Variants in METTL15 observed in about 807,000 individuals in gnomAD.
The protein encoded by METTL15 is methyltransferase 15, mitochondrial 12S rRNA N4-cytidine.
METTL15 carries 34 observed loss-of-function variants against 38.3 expected under a neutral mutation model. That is an observed-to-expected ratio of 0.89 (90% CI 0.68 to 1.18). The LOEUF is 1.18. METTL15 is among the 50% of genes most tolerant of loss of function. The pLI is 0.00. For synonymous variants in METTL15, 162 were observed against 170.9 expected (o/e 0.95, Z 0.41); for missense variants, 438 against 498.4 (o/e 0.88, Z 1.15).
At chr11:28,473,996 G>A (rs1851324192) in intron 6 of METTL15, among the ~76,000 whole-genome samples, 1 of 151,878 alleles carries the variant, frequency 6.6e-6, no homozygotes, top group Non-Finnish European at 1.5e-5. Flanking sequence ...CTACCTCTGT[G>A]AAAGACTCTA....
intron 6 of METTL15, among the ~76,000 whole-genome samples, chr11:28,305,697 A>G (rs1857059930): frequency 1.3e-5 from 2 of 152,148 alleles, no homozygotes; most frequent in African/African-American, 4.8e-5. Flanking sequence ...GTATCTTGTG[A>G]TAAATGCTAT....
intron 4 of METTL15, among the ~76,000 whole-genome samples, chr11:28,218,804 G>C (rs1476621344): frequency 1.3e-5 from 2 of 151,976 alleles, no homozygotes; most frequent in East Asian, 1.9e-4. Context: ...TTTTCTGCAT[G>C]TATTGAGATA....
At chr11:28,493,241 T>TA (rs947626991) in intron 6 of METTL15, among the ~76,000 whole-genome samples, 1 of 152,122 alleles carries the variant, frequency 6.6e-6, no homozygotes, top group African/African-American at 2.4e-5. Flanking sequence ...CCAGGGTTTT[T>TA]ATTGTTAAGT....
chr11:28,193,870 C>CT (rs1300618453), intron 3 of METTL15, among the ~76,000 whole-genome samples: 1 of 152,092 alleles, frequency 6.6e-6, no homozygotes, highest in Non-Finnish European at 1.5e-5. Context: ...AGTCCAGACT[C>CT]TTTAGTTTGA....
At chr11:28,151,308 C>T (rs895032143) in intron 3 of METTL15, among the ~76,000 whole-genome samples, 12 of 151,984 alleles carry the variant, frequency 7.9e-5, no homozygotes, top group African/African-American at 1.4e-4. Flanking sequence ...CATCTCTTAC[C>T]GTGCTGACTG....
intron 6 of METTL15, among the ~76,000 whole-genome samples, chr11:28,442,466 A>G (rs1220936062): frequency 6.6e-6 from 1 of 152,128 alleles, no homozygotes; most frequent in Non-Finnish European, 1.5e-5. Context: ...CATGAGTGGC[A>G]TATGATAGAC....
At chr11:28,368,152 C>CAAAAAAAAAAACAAAAAAAAA (rs1850206718) in intron 5 of METTL15, among the ~76,000 whole-genome samples, 1 of 108,706 alleles carries the variant, frequency 9.2e-6, no homozygotes, top group Non-Finnish European at 2.0e-5. Context: ...ACAAAAAAAA[C>CAAAAAAAAAAACAAAAAAAAA]AAAAAAAAAA....
At position 28,292,421 on chromosome 11, in the gene METTL15, A is replaced by G. The variant is rs374319722; in HGVS notation, c.599+2024A>G. Among the ~76,000 whole-genome samples the G allele has an allele frequency of 5.3e-5, 8 of 151,878 alleles. No homozygotes were observed. In the East Asian group the frequency reaches 7.8e-4, roughly 15 times the overall value. Reference sequence around the variant, plus strand: ...TTTTATGGCTGCATAGTATTCCATGATGTATATGTGCCACATTTTCTTAAT... The same window carrying G: ...TTTTATGGCTGCATAGTATTCCATGGTGTATATGTGCCACATTTTCTTAAT... On this transcript the variant is annotated intron_variant, in intron 5 of 6. Transcript: ENST00000407364.
At chr11:28,489,606 CAGAG>C (rs139116502) in intron 6 of METTL15, among the ~76,000 whole-genome samples, 19 of 148,662 alleles carry the variant, frequency 1.3e-4, no homozygotes, top group African/African-American at 2.2e-4. Flanking sequence ...TATGGAAGCC[CAGAG>C]AGAGAGAGAG....
rs192767076 is a variant in METTL15 at position 28,181,876 on chromosome 11, A to G, written c.271-29186A>G. Among the ~76,000 whole-genome samples, 16 of 152,278 alleles carry G rather than the reference A, an allele frequency of 1.1e-4. No homozygotes were observed. The East Asian group carries it at 2.3e-3, about 22-fold the overall frequency. On this transcript the variant is annotated intron_variant, in intron 3 of 6. Coordinates refer to ENST00000407364, the MANE Select transcript of METTL15 (RefSeq NM_001113528.2). ...TGAACTCATTTACACTCCCACCAGC[A>G]GTGTAAAAGTATTCCTATTTCTCCA...
At chr11:28,216,128 T>G (rs1367412786) in intron 4 of METTL15, among the ~76,000 whole-genome samples, 1 of 152,106 alleles carries the variant, frequency 6.6e-6, no homozygotes, top group African/African-American at 2.4e-5. Flanking sequence ...TTACTTTGTT[T>G]TTTAGATTTG....
chr11:28,321,934 G>A (rs1289502667), intron 6 of METTL15, among the ~76,000 whole-genome samples: 1 of 151,786 alleles, frequency 6.6e-6, no homozygotes, highest in African/African-American at 2.4e-5. Flanking sequence ...ATGATCAAGA[G>A]GGTACTTCAA....
At chr11:28,210,825 G>A (rs1359534331) in intron 3 of METTL15, among the ~76,000 whole-genome samples, 1 of 151,960 alleles carries the variant, frequency 6.6e-6, no homozygotes, top group Non-Finnish European at 1.5e-5. Flanking sequence ...TCTTGAATTA[G>A]CCAGTCTGTG....
intron 5 of METTL15, among the ~76,000 whole-genome samples, chr11:28,395,945 C>T (rs1217930149): frequency 1.3e-5 from 2 of 152,080 alleles, no homozygotes; most frequent in Non-Finnish European, 2.9e-5. Flanking sequence ...GTTCAACATA[C>T]ACAAATCAAT....
intron 4 of METTL15, among the ~76,000 whole-genome samples, chr11:28,226,729 C>T (rs1853493803): frequency 6.6e-6 from 1 of 151,840 alleles, no homozygotes; most frequent in South Asian, 2.1e-4. Context: ...GAAACCCAAG[C>T]ATTTTGACCC....
chr11:28,194,944 A>G (rs1371712199), intron 3 of METTL15, among the ~76,000 whole-genome samples: 1 of 152,026 alleles, frequency 6.6e-6, no homozygotes, highest in Non-Finnish European at 1.5e-5. Context: ...AAGGGAGAAC[A>G]TGGAGTATTT....
intron 4 of METTL15, among the ~76,000 whole-genome samples, chr11:28,278,435 C>A (rs142139961): frequency 2.0e-5 from 3 of 152,262 alleles, no homozygotes; most frequent in Admixed American, 6.5e-5. Flanking sequence ...AGTAAATAAA[C>A]TTCCCTGTGA....
chr11:28,276,669 A>G (rs998339907), intron 4 of METTL15, among the ~76,000 whole-genome samples: 5 of 152,314 alleles, frequency 3.3e-5, no homozygotes, highest in Admixed American at 1.3e-4. Context: ...GAGGCATCAC[A>G]TTACCTGACT....
At chr11:28,292,575 G>C (rs952377949) in intron 5 of METTL15, among the ~76,000 whole-genome samples, 2 of 152,160 alleles carry the variant, frequency 1.3e-5, no homozygotes, top group African/African-American at 4.8e-5. Flanking sequence ...TATATACCCA[G>C]TAATGAGATG....
Sources: gnomAD v4.1 joint callset for allele counts (sites outside exome capture counted in the v4.1 genomes callset) on GRCh38, gnomAD v4.1.1 for gene constraint, MANE v1.5 for transcripts, NCBI Gene and HGNC (gene_info 2026-07-23, HGNC 2026-07-21) for gene names.